GCFC2: variants seen among roughly 807,000 people sequenced by gnomAD.
The protein encoded by GCFC2 is intron Large complex component GCFC2.
GCFC2 carries 102 observed loss-of-function variants against 99.4 expected under a neutral mutation model. That is an observed-to-expected ratio of 1.03 (90% CI 0.87 to 1.21). The LOEUF (loss-of-function observed/expected upper bound fraction) is 1.21, where lower values mean the gene tolerates loss of function less well. Among genes scored for constraint, GCFC2 ranks in the 50% most tolerant of loss-of-function variants. The probability of loss-of-function intolerance (pLI) is 0.00; values close to 1 mark genes in which losing one functional copy is unlikely to be tolerated. For missense variants in GCFC2, 973 were observed against 920.9 expected (o/e 1.06, Z -0.73); for synonymous variants, 338 against 316.8 (o/e 1.07, Z -0.71).
chr2:75,686,469 A>G (rs13391581), intron 11 of GCFC2, among the ~76,000 whole-genome samples: 32,410 of 152,030 alleles, frequency 0.21, 3,779 homozygotes, highest in South Asian at 0.27. Context: ...TAGGCTGGGC[A>G]TGGTGACTCA....
chr2:75,670,053 T>G, intron 15 of GCFC2, 85 bp downstream of exon 15: 1 of 878,118 alleles, frequency 1.1e-6, no homozygotes. Flanking sequence ...TACCACACAT[T>G]TAATTATTTT....
Position 75,710,800 on chromosome 2 carries a change from C to T in GCFC2, c.56G>A (p.Ser19Asn), listed in dbSNP as rs560694244. Residue 19 changes from serine to asparagine, a missense_variant, in exon 1 of 17, where the codon AGC becomes AAC. Physicochemically the swap from Ser to Asn is conservative, Grantham distance 46. Transcript: ENST00000321027. ...FRQRAADSSDSDGAEESPAEP... is the reference protein window; with the variant it reads ...FRQRAADSSDNDGAEESPAEP... ...AGCAGGCGACTCCTCGGCGCCATCG[C>T]TGTCGCTGGAATCAGCCGCGCGCTG... is the stretch of plus-strand genomic sequence containing the variant. 10 of 1,579,072 alleles carry T rather than the reference C, an allele frequency of 6.3e-6. No individual in the cohort carries two copies. In the East Asian group the frequency reaches 1.9e-4, roughly 30 times the overall value.
chr2:75,676,568 A>C (rs1279980063), intron 12 of GCFC2, among the ~76,000 whole-genome samples: 1 of 152,146 alleles, frequency 6.6e-6, no homozygotes, highest in Non-Finnish European at 1.5e-5. Context: ...AGGAAGGTCT[A>C]ATCTGTGGGT....
chr2:75,692,167 AT>A, intron 6 of GCFC2, 67 bp from the exon 7 acceptor site: 4 of 459,628 alleles, frequency 8.7e-6, no homozygotes, highest in Non-Finnish European at 1.4e-5. Flanking sequence ...ATATATATAT[AT>A]ATAAAAGTAA....
In GCFC2 at chr2:75,692,003, T is replaced by G; in HGVS notation, c.1118A>C (p.Glu373Ala). ...MKRRQDELKH[E>A]STYLQQLSRK... ...TGATAACTGTTGTAAATACGTTGAT[T>G]CATGTTTTAATTCATCTTGCCTGCG... is the stretch of plus-strand genomic sequence containing the variant. Residue 373 changes from glutamate to alanine, a missense_variant, in exon 7 of 17, where the codon GAA (glutamate) becomes GCA (alanine). Transcript: ENST00000321027. The G allele has an allele frequency of 6.4e-7, 1 of 1,550,460 alleles. No individual in the cohort carries two copies. Among genetic ancestry groups the G allele is most frequent in the Non-Finnish European group, 8.8e-7 (1 of 1,142,522 alleles).
chr2:75,682,212 C>A (rs139195401), intron 11 of GCFC2, among the ~76,000 whole-genome samples: 2 of 151,906 alleles, frequency 1.3e-5, no homozygotes, highest in Non-Finnish European at 2.9e-5. Flanking sequence ...TGGCATCTGG[C>A]GGATGACCCT....
Position 75,663,471 on chromosome 2 carries a change from T to C in GCFC2, c.*1195A>G, listed in dbSNP as rs1029456607. On this transcript the variant is annotated 3_prime_UTR_variant, in exon 17 of 17. Transcript: ENST00000321027. ...TCACATGTTGTGAGTATTTAAAATA[T>C]CTGTTTCCTTCTTAGTCCTACCACC... The C allele has an allele frequency of 6.6e-6, 1 of 152,324 alleles. No homozygotes were observed. The highest frequency in any genetic ancestry group is 2.1e-4 in the South Asian group (1 of 4,828). The allele number at this position is 152,324 out of a possible 1,614,324, so 9.4% of individuals were successfully genotyped here. A position where few individuals can be genotyped will look rare whatever the true frequency, so the allele number is the denominator to read the frequency against.
chr2:75,687,052 A>G (rs1001823884), intron 11 of GCFC2, among the ~76,000 whole-genome samples: 1 of 151,866 alleles, frequency 6.6e-6, no homozygotes, highest in African/African-American at 2.4e-5. Context: ...CTCCTGCCTC[A>G]GCCTCCTGAG....
At chr2:75,690,289 T>TTTTTG (rs1350675786) in intron 8 of GCFC2, among the ~76,000 whole-genome samples, 1 of 152,150 alleles carries the variant, frequency 6.6e-6, no homozygotes, top group African/African-American at 2.4e-5. Flanking sequence ...GGTTCTGCAT[T>TTTTTG]TTTTGTTTTG....
chr2:75,695,257 T>C (rs570621093), intron 5 of GCFC2, among the ~76,000 whole-genome samples: 14 of 152,258 alleles, frequency 9.2e-5, no homozygotes, highest in African/African-American at 3.4e-4. Context: ...TGCTGTAACA[T>C]AGAGTTGAGC....
intron 11 of GCFC2, among the ~76,000 whole-genome samples, chr2:75,680,622 C>G (rs555439834): frequency 6.6e-6 from 1 of 152,290 alleles, no homozygotes; most frequent in East Asian, 1.9e-4. Flanking sequence ...CACTATACAA[C>G]TTGAGTGAGC....
upstream of GCFC2, among the ~76,000 whole-genome samples, chr2:75,711,779 C>A (rs914829735): frequency 6.6e-6 from 1 of 152,240 alleles, no homozygotes; most frequent in Non-Finnish European, 1.5e-5. Context: ...GCGCTGTGCT[C>A]GATTTCTCGC....
At chr2:75,683,771 CAA>C (rs749580096) in intron 11 of GCFC2, among the ~76,000 whole-genome samples, 181 of 60,390 alleles carry the variant, frequency 3.0e-3, no homozygotes, top group Non-Finnish European at 4.5e-3. Context: ...AAATGGAAAG[CAA>C]AAAAAAAAAA....
chr2:75,691,472 T>G (rs1371481693), intron 7 of GCFC2, among the ~76,000 whole-genome samples: 1 of 152,206 alleles, frequency 6.6e-6, no homozygotes, highest in Middle Eastern at 3.2e-3. Flanking sequence ...AAAGTCACTT[T>G]GCCTTTGCAT....
Position 75,662,905 on chromosome 2 carries a change from A to T in GCFC2, c.*1761T>A, listed in dbSNP as rs1222614225. On this transcript the variant is annotated 3_prime_UTR_variant, in exon 17 of 17. Transcript: ENST00000321027. Reference sequence around the variant, plus strand: ...GCAATAAAGTGTCTGCCACTTACGTAAAAAAAAAAAAAAAACCCAAAACTA... The same window carrying T: ...GCAATAAAGTGTCTGCCACTTACGTTAAAAAAAAAAAAAAACCCAAAACTA... 3 of 81,738 alleles carry T rather than the reference A, an allele frequency of 3.7e-5. No homozygotes were observed. In the East Asian group the frequency reaches 1.0e-3, roughly 28 times the overall value. 5.1% of individuals were successfully genotyped at this position (81,738 alleles called of 1,614,324 possible).
At chr2:75,673,348 A>G in intron 13 of GCFC2, 96 bp downstream of exon 13, 1 of 688,796 alleles carries the variant, frequency 1.5e-6, no homozygotes, top group Non-Finnish European at 2.6e-6. Context: ...CAAAACAAAA[A>G]ATAAAACACT....
chr2:75,672,167 A>G (rs1679118537), intron 13 of GCFC2, 151 bp from the exon 14 acceptor site: 3 of 156,696 alleles, frequency 1.9e-5, no homozygotes, highest in Non-Finnish European at 4.1e-5. Flanking sequence ...TATAAATAAA[A>G]TATATATTTA....
At chr2:75,678,308 T>C (rs1679436187) in intron 12 of GCFC2, among the ~76,000 whole-genome samples, 1 of 152,240 alleles carries the variant, frequency 6.6e-6, no homozygotes, top group African/African-American at 2.4e-5. Context: ...GGTTCTATGC[T>C]GCATAACAGC....
In GCFC2 at chr2:75,702,206, C is replaced by T. The variant is rs1680627616; in HGVS notation, c.612G>A (p.Glu204=). The T allele has an allele frequency of 6.2e-7, 1 of 1,604,454 alleles. No homozygotes were observed. Among genetic ancestry groups the T allele is most frequent in the Non-Finnish European group, 8.5e-7 (1 of 1,171,572 alleles). The change falls in exon 3 of 17, where the codon GAG becomes GAA. Residue 204 remains glutamate (E), a synonymous_variant. Coordinates refer to ENST00000321027, the MANE Select transcript of GCFC2 (RefSeq NM_003203.5). ...ATATTGGTAAATCCATACTTGATTC[C>T]TCAGCCATCCTTTGTCTAAGTGTTT... The part of the protein sequence containing the change: ...RPQTLRQRMA[E]ESISRNEETS...
Sources: gnomAD v4.1 joint callset for allele counts (sites outside exome capture counted in the v4.1 genomes callset) on GRCh38, gnomAD v4.1.1 for gene constraint, MANE v1.5 for transcripts, NCBI Gene and HGNC (gene_info 2026-07-23, HGNC 2026-07-21) for gene names.